The following FOXJ2 variants were observed in gnomAD, a reference collection of about 807,000 sequenced individuals.
FOXJ2 encodes the protein forkhead box J2.
FOXJ2 carries 18 observed loss-of-function variants against 68.4 expected under a neutral mutation model. That is an observed-to-expected ratio of 0.26 (90% CI 0.18 to 0.39). The LOEUF (loss-of-function observed/expected upper bound fraction) is 0.39, where lower values mean the gene tolerates loss of function less well. Among genes scored for constraint, FOXJ2 ranks in the 10% least tolerant of loss-of-function variants. The pLI is 1.00. For synonymous variants in FOXJ2, 274 were observed against 263.2 expected (o/e 1.04, Z -0.40); for missense variants, 670 against 726.5 (o/e 0.92, Z 0.89).
rs1416921287 is a variant in FOXJ2, at chr12:8,035,777, G to A, written c.-15+1944G>A. 6.6e-6 allele frequency among the ~76,000 whole-genome samples: 1 copy of A among 152,130 alleles called. No homozygotes were observed. The highest frequency in any genetic ancestry group is 2.4e-5 in the African/African-American group (1 of 41,412). ...GGATTAACTGTGGTTTAGAGAGTGT[G>A]CTTTCCCAGACCATGTCTTATGACT... is the stretch of plus-strand genomic sequence containing the variant. On this transcript the variant is annotated intron_variant, in intron 1 of 10. Transcript: ENST00000162391. This position sits in a 1 kb window ranked among gnomAD's most constrained non-coding sequence, Gnocchi z 4.0.
Position 8,039,928 on chromosome 12 carries a change from G to C in FOXJ2, c.96G>C (p.Gln32His), listed in dbSNP as rs1283904591. Residue 32 changes from glutamine to histidine, a missense_variant, in exon 2 of 11, where the codon CAG (glutamine) becomes CAC (histidine). Physicochemically the swap from Gln to His is conservative, Grantham distance 24. Transcript: ENST00000162391. ...ATIEKLGSAS[Q>H]AGPPGSSRKC... The stretch of plus-strand genomic sequence containing the variant: ...TTGAGAAGCTTGGAAGTGCCTCCCA[G>C]GCTGGGCCTCCCGGGAGCAGCCGCA... 6.2e-7 allele frequency: 1 copy of C among 1,614,148 alleles called. No homozygotes were observed. The highest frequency in any genetic ancestry group is 1.1e-5 in the South Asian group (1 of 91,084).
intron 2 of FOXJ2, 106 bp from the exon 3 acceptor site, chr12:8,042,552 C>A: frequency 2.2e-6 from 2 of 897,610 alleles, no homozygotes; most frequent in South Asian, 1.4e-5. Context: ...CCTGATACTT[C>A]AACTGCATGG....
chr12:8,048,831 T>G, intron 8 of FOXJ2, 33 bp downstream of exon 8: 2 of 1,580,650 alleles, frequency 1.3e-6, no homozygotes, highest in Non-Finnish European at 1.7e-6. Context: ...AAGAGAGGGA[T>G]ACACTGTAAG....
chr12:8,047,842 C>T (rs1947058447), intron 6 of FOXJ2, 40 bp from the exon 7 acceptor site: 1 of 1,530,360 alleles, frequency 6.5e-7, no homozygotes, highest in Non-Finnish European at 8.8e-7. Flanking sequence ...GTGAAAAATG[C>T]ATTGCTTAAG....
chr12:8,043,093 T>A (rs1359855447), intron 3 of FOXJ2, among the ~76,000 whole-genome samples: 1 of 151,900 alleles, frequency 6.6e-6, no homozygotes, highest in Non-Finnish European at 1.5e-5. Flanking sequence ...GGTACATGCC[T>A]GTAATCCCAG....
rs567770649 is a variant in FOXJ2 at position 8,042,510 on chromosome 12, C to CGG, written c.334-148_334-147insGG. On this transcript the variant is annotated intron_variant, in intron 2 of 10. Coordinates refer to ENST00000162391, the MANE Select transcript of FOXJ2 (RefSeq NM_018416.3). ...ATTGCTATTTGATGCATAATTCCCTCCATCGGTGTAGTTAAGAGGTACTGA... is the reference window on the plus strand; with the variant it reads ...ATTGCTATTTGATGCATAATTCCCTCGGCATCGGTGTAGTTAAGAGGTACTGA... The CGG allele has an allele frequency of 2.5e-4, 143 of 569,180 alleles. 3 individuals carry two copies. The South Asian group carries it at 3.0e-3, about 12-fold the overall frequency. 35.3% of individuals were successfully genotyped at this position (569,180 alleles called of 1,614,324 possible). A position where few individuals can be genotyped will look rare whatever the true frequency, so the allele number is the denominator to read the frequency against.
chr12:8,039,911 C>T lies in FOXJ2; in HGVS notation c.79C>T (p.Leu27Phe). The change falls in exon 2 of 11, where the codon CTT (leucine) becomes TTT (phenylalanine). Residue 27 changes from leucine (L) to phenylalanine (F), a missense_variant. Physicochemically the swap from Leu to Phe is conservative, Grantham distance 22 (BLOSUM62 0). Coordinates refer to ENST00000162391, the MANE Select transcript of FOXJ2 (RefSeq NM_018416.3). ...GACCCTCCGAGCTACCATTGAGAAG[C>T]TTGGAAGTGCCTCCCAGGCTGGGCC... ...QLTLRATIEK[L>F]GSASQAGPPG... 1 of 1,614,088 alleles carries T rather than the reference C, an allele frequency of 6.2e-7. No homozygotes were observed. The highest frequency in any genetic ancestry group is 8.5e-7 in the Non-Finnish European group (1 of 1,179,952).
chr12:8,044,195 C>T, intron 5 of FOXJ2, 104 bp downstream of exon 5: 2 of 1,302,846 alleles, frequency 1.5e-6, no homozygotes, highest in Admixed American at 2.9e-5. Context: ...ATATATGAGG[C>T]AGATAAATTG....
Position 8,039,955 on chromosome 12 carries a change from G to A in FOXJ2, c.123G>A (p.Lys41=), listed in dbSNP as rs369271501. Residue 41 remains lysine, a synonymous_variant, in exon 2 of 11, where the codon AAG becomes AAA. Coordinates refer to ENST00000162391, the MANE Select transcript of FOXJ2 (RefSeq NM_018416.3). ...CTGGGCCTCCCGGGAGCAGCCGCAAGTGTTCACCAGGGTCACCCACAGATC... is the reference window on the plus strand; with the variant it reads ...CTGGGCCTCCCGGGAGCAGCCGCAAATGTTCACCAGGGTCACCCACAGATC... ...SQAGPPGSSR[K]CSPGSPTDPN... 1 of 1,614,098 alleles carries A rather than the reference G, an allele frequency of 6.2e-7. No homozygotes were observed. The highest frequency in any genetic ancestry group is 1.3e-5 in the African/African-American group (1 of 75,006).
chr12:8,046,345 C>A (rs1359041922), intron 6 of FOXJ2, among the ~76,000 whole-genome samples: 1 of 152,128 alleles, frequency 6.6e-6, no homozygotes, highest in Non-Finnish European at 1.5e-5. Flanking sequence ...GTGTTCCATC[C>A]CCCAACTTTA....
At chr12:8,042,263 T>G (rs933497801) in intron 2 of FOXJ2, among the ~76,000 whole-genome samples, 22 of 152,260 alleles carry the variant, frequency 1.4e-4, no homozygotes, top group Non-Finnish European at 2.9e-5. Flanking sequence ...GTGTTTTTGT[T>G]TCACTCAATT....
chr12:8,042,069 G>T (rs1258195182), intron 2 of FOXJ2, among the ~76,000 whole-genome samples: 1 of 152,040 alleles, frequency 6.6e-6, no homozygotes, highest in Non-Finnish European at 1.5e-5. Context: ...GTAGAGACGG[G>T]GTTTCACCAT....
intron 1 of FOXJ2, among the ~76,000 whole-genome samples, chr12:8,036,041 T>C (rs1428511093): frequency 3.3e-5 from 5 of 152,250 alleles, no homozygotes; most frequent in African/African-American, 1.2e-4. Flanking sequence ...TTTTAATTTC[T>C]AGTATTCTCT....
intron 10 of FOXJ2, among the ~76,000 whole-genome samples, chr12:8,051,305 T>C (rs1024398307): frequency 1.3e-5 from 2 of 151,924 alleles, no homozygotes; most frequent in Non-Finnish European, 2.9e-5. Context: ...AATTTTTGTA[T>C]TTTTAGTAGA....
In FOXJ2 at chr12:8,052,922, G is replaced by T; in HGVS notation, c.*72G>T. 8.6e-7 allele frequency: 1 copy of T among 1,166,966 alleles called. No individual in the cohort carries two copies. Among genetic ancestry groups the T allele is most frequent in the Non-Finnish European group, 1.3e-6 (1 of 797,766 alleles). The allele number at this position is 1,166,966 out of a possible 1,614,324, so 72.3% of individuals were successfully genotyped here. A position where few individuals can be genotyped will look rare whatever the true frequency, so the allele number is the denominator to read the frequency against. ...TGGCAGTGGGGAAAGAGCAACCCCAGCCCGTCCCTTCCCCCCGTCTGTATA... is the reference window on the plus strand; with the variant it reads ...TGGCAGTGGGGAAAGAGCAACCCCATCCCGTCCCTTCCCCCCGTCTGTATA... On this transcript the variant is annotated 3_prime_UTR_variant, in exon 11 of 11. Transcript: ENST00000162391.
Position 8,035,076 on chromosome 12 carries a change from T to C in FOXJ2, c.-15+1243T>C, listed in dbSNP as rs1946879540. ...GGTCTACCTAAATTCCTGAGTACAG[T>C]CATTTGTCCTGGAAGCTACTGGTGG... On this transcript the variant is annotated intron_variant, in intron 1 of 10. Transcript: ENST00000162391. The surrounding 1 kb of genome is among the most constrained non-coding windows in gnomAD (Gnocchi z 4.0). Among the ~76,000 whole-genome samples, 2 of 152,220 alleles carry C rather than the reference T, an allele frequency of 1.3e-5. No individual in the cohort carries two copies. The highest frequency in any genetic ancestry group is 4.1e-4 in the South Asian group (2 of 4,832).
In FOXJ2 at chr12:8,043,715, A is replaced by G. The variant is rs1000292358; in HGVS notation, c.423A>G (p.Thr141=). ...TCTCCTTCCAGGGTTCCTATTGGAC[A>G]ATTGACACCTGCCCTGACATTTCCC... The part of the protein sequence containing the change: ...RDDPGKGSYW[T]IDTCPDISRK... The change falls in exon 4 of 11, where the codon ACA becomes ACG. Residue 141 remains threonine, a synonymous_variant. Coordinates refer to ENST00000162391, the MANE Select transcript of FOXJ2 (RefSeq NM_018416.3). 3 of 1,614,188 alleles carry G rather than the reference A, an allele frequency of 1.9e-6. No homozygotes were observed. Among genetic ancestry groups the G allele is most frequent in the Non-Finnish European group, 2.5e-6 (3 of 1,180,042 alleles).
Position 8,044,897 on chromosome 12 carries a change from C to G in FOXJ2, c.756C>G (p.Ser252Arg), listed in dbSNP as rs758452935. The change falls in exon 6 of 11, where the codon AGC (serine) becomes AGG (arginine). Residue 252 changes from serine (S) to arginine (R), a missense_variant. Coordinates refer to ENST00000162391, the MANE Select transcript of FOXJ2 (RefSeq NM_018416.3). The stretch of plus-strand genomic sequence containing the variant: ...CAGAGATCAACTTTCAGGATCTAAG[C>G]TGGTCCTTCCGCAACCTCTATAAGT... ...SYSEINFQDL[S>R]WSFRNLYKSM... 1 of 1,614,200 alleles carries G rather than the reference C, an allele frequency of 6.2e-7. No individual in the cohort carries two copies. The highest frequency in any genetic ancestry group is 1.1e-5 in the South Asian group (1 of 91,078).
Position 8,033,849 on chromosome 12 carries a change from C to T in FOXJ2, c.-15+16C>T, listed in dbSNP as rs1946866002. On this transcript the variant is annotated intron_variant, in intron 1 of 10. Coordinates refer to ENST00000162391, the MANE Select transcript of FOXJ2 (RefSeq NM_018416.3). ...TTGGAGACAGGTTAGTGCTTTCTTT[C>T]ATCTTCTCTCTGTCATTGTCTGGCA... 6.6e-6 allele frequency: 1 copy of T among 152,634 alleles called. No individual in the cohort carries two copies. Among genetic ancestry groups the T allele is most frequent in the Non-Finnish European group, 1.5e-5 (1 of 68,106 alleles). 9.5% of individuals were successfully genotyped at this position (152,634 alleles called of 1,614,324 possible). A position where few individuals can be genotyped will look rare whatever the true frequency, so the allele number is the denominator to read the frequency against.
Sources: gnomAD v4.1 joint callset for allele counts (sites outside exome capture counted in the v4.1 genomes callset) on GRCh38, gnomAD v4.1.1 for gene constraint, Gnocchi (gnomAD v3.1) non-coding constraint, MANE v1.5 for transcripts, NCBI Gene and HGNC (gene_info 2026-07-23, HGNC 2026-07-21) for gene names.